Variants in ITGA6 observed in about 807,000 individuals in gnomAD.
ITGA6 encodes the protein integrin alpha-6.
In ITGA6, 63 loss-of-function variants were observed where a neutral mutation model predicts 133.6. The observed-to-expected ratio is 0.47, with a 90% CI of 0.38 to 0.58. ITGA6 has a LOEUF of 0.58. ITGA6 is among the 20% of genes least tolerant of loss of function. The pLI is 0.00. For missense variants in ITGA6, 1,068 were observed against 1,309.4 expected, an observed-to-expected ratio of 0.82 and a Z score of 2.85; for synonymous variants, 434 against 482.0, an observed-to-expected ratio of 0.90 and a Z score of 1.30.
intron 1 of ITGA6, among the ~76,000 whole-genome samples, chr2:172,434,803 T>C (rs1474591399): frequency 6.6e-6 from 1 of 152,044 alleles, no homozygotes; most frequent in Non-Finnish European, 1.5e-5. Flanking sequence ...AGATATAGTA[T>C]AAGAAAAGCC....
intron 1 of ITGA6, among the ~76,000 whole-genome samples, chr2:172,458,593 C>T (rs767281846): frequency 6.6e-6 from 1 of 152,168 alleles, no homozygotes; most frequent in South Asian, 2.1e-4. Flanking sequence ...AAGCGAATCC[C>T]TGGAGTCAGC....
intron 19 of ITGA6, among the ~76,000 whole-genome samples, chr2:172,489,014 A>G (rs1009411946): frequency 2.6e-5 from 4 of 152,136 alleles, no homozygotes; most frequent in African/African-American, 9.7e-5. Context: ...TCTCAGATTC[A>G]TGGCTGTCCT....
At position 172,458,938 on chromosome 2, in the gene ITGA6, T is replaced by C. The variant is rs115258831; in HGVS notation, c.183-6601T>C. On this transcript the variant is annotated intron_variant, in intron 1 of 25. Coordinates refer to ENST00000684293, the MANE Select transcript of ITGA6 (RefSeq NM_000210.4). ...AGACTGCAAATGTGACTACTGAAAT[T>C]AAAAATGTCAGTATAAATACCAGAA... Among the ~76,000 whole-genome samples, 120 of 151,882 alleles carry C rather than the reference T, an allele frequency of 7.9e-4. 1 individual carries two copies. The highest frequency in any genetic ancestry group is 2.7e-3 in the African/African-American group (110 of 41,426).
chr2:172,480,586 T>TG (rs1250388227), intron 11 of ITGA6, among the ~76,000 whole-genome samples: 1 of 146,428 alleles, frequency 6.8e-6, no homozygotes, highest in African/African-American at 2.8e-5. Context: ...GTCAGAGACC[T>TG]GGTCTCTGCT....
chr2:172,505,333 G>C lies in ITGA6; in HGVS notation c.*1265G>C, dbSNP rs1392867479. ...AATACTGTATATTCAGGACTTGAAA[G>C]AAATGGTGAATGCCTATGGTGGATC... On this transcript the variant is annotated 3_prime_UTR_variant, in exon 26 of 26. Transcript: ENST00000684293. 3.9e-5 allele frequency: 6 copies of C among 152,182 alleles called. No individual in the cohort carries two copies. Among genetic ancestry groups the C allele is most frequent in the Non-Finnish European group, 8.8e-5 (6 of 68,024 alleles). The allele number at this position is 152,182 out of a possible 1,614,324, so 9.4% of individuals were successfully genotyped here.
chr2:172,453,065 A>G (rs1461871159), intron 1 of ITGA6, among the ~76,000 whole-genome samples: 1 of 152,204 alleles, frequency 6.6e-6, no homozygotes, highest in Non-Finnish European at 1.5e-5. Flanking sequence ...CAAGGAGCTC[A>G]GGAAATGTTT....
intron 11 of ITGA6, among the ~76,000 whole-genome samples, chr2:172,481,323 T>G (rs1173774489): frequency 6.6e-6 from 1 of 152,090 alleles, no homozygotes; most frequent in Non-Finnish European, 1.5e-5. Context: ...CAGGAAAAAA[T>G]AGCCACATAA....
In ITGA6 at chr2:172,487,272, G is replaced by T; in HGVS notation, c.1979G>T (p.Gly660Val). The T allele has an allele frequency of 1.2e-6, 2 of 1,612,682 alleles. No homozygotes were observed. The highest frequency in any genetic ancestry group is 1.7e-6 in the Non-Finnish European group (2 of 1,178,734). ...DKFSYLPIQKGVPELVLKDQK... is the reference protein window; with the variant it reads ...DKFSYLPIQKVVPELVLKDQK... Reference sequence around the variant, plus strand: ...TTTCTTATTTTTAATAGTCAAAAAGGTGTACCAGAACTAGTTCTAAAAGAT... The same window carrying T: ...TTTCTTATTTTTAATAGTCAAAAAGTTGTACCAGAACTAGTTCTAAAAGAT... Residue 660 changes from glycine (G) to valine (V), a missense_variant, in exon 15 of 26, where the codon GGT becomes GTT. Gly to Val is a moderately radical substitution (Grantham distance 109). Coordinates refer to ENST00000684293, the MANE Select transcript of ITGA6 (RefSeq NM_000210.4).
At chr2:172,490,494 A>G (rs1478942605) in intron 20 of ITGA6, among the ~76,000 whole-genome samples, 1 of 152,268 alleles carries the variant, frequency 6.6e-6, no homozygotes, top group African/African-American at 2.4e-5. Context: ...CAATGTTAAA[A>G]ATCAAGATAA....
intron 23 of ITGA6, among the ~76,000 whole-genome samples, chr2:172,496,599 A>G (rs1420865253): frequency 1.3e-5 from 2 of 152,182 alleles, no homozygotes; most frequent in Non-Finnish European, 2.9e-5. Flanking sequence ...GACATAGAAT[A>G]TTTGACTGAA....
intron 11 of ITGA6, among the ~76,000 whole-genome samples, chr2:172,483,032 A>G (rs768041732): frequency 6.6e-6 from 1 of 152,190 alleles, no homozygotes. Context: ...TGTGGGAGAC[A>G]ATCAGGAAAT....
At position 172,500,393 on chromosome 2, in the gene ITGA6, C is replaced by T. The variant is rs187230778; in HGVS notation, c.3115-1379C>T. On this transcript the variant is annotated intron_variant, in intron 24 of 25. Coordinates refer to ENST00000684293, the MANE Select transcript of ITGA6 (RefSeq NM_000210.4). ...TTTGGGAGGCTGGTGGATTACAGCA[C>T]TTTGTGGCAGGTGGATCACGACGTC... Among the ~76,000 whole-genome samples the T allele has an allele frequency of 6.4e-3, 976 of 152,274 alleles. 13 individuals carry two copies. Among genetic ancestry groups the T allele is most frequent in the African/African-American group, 0.022 (917 of 41,562 alleles).
chr2:172,444,585 C>A (rs1684675056), intron 1 of ITGA6, among the ~76,000 whole-genome samples: 1 of 111,708 alleles, frequency 9.0e-6, no homozygotes, highest in Non-Finnish European at 1.8e-5. Context: ...TTCCAAAATC[C>A]CCGCCCCCCG....
chr2:172,446,912 T>C (rs1355103109), intron 1 of ITGA6, among the ~76,000 whole-genome samples: 15 of 152,210 alleles, frequency 9.9e-5, no homozygotes, highest in Non-Finnish European at 1.5e-4. Flanking sequence ...TTTTTAATTT[T>C]TTTGAGACAG....
chr2:172,503,812 T>C (rs1012815821), intron 25 of ITGA6: 7 of 228,944 alleles, frequency 3.1e-5, no homozygotes, highest in Admixed American at 1.7e-4. Context: ...TCATAAACTC[T>C]TAAATTGTTA....
chr2:172,476,540 A>C (rs752994873), intron 9 of ITGA6, 27 bp downstream of exon 9: 10 of 1,281,492 alleles, frequency 7.8e-6, no homozygotes, highest in Non-Finnish European at 1.1e-5. Context: ...TTTAGTGTTA[A>C]GCATGTTCTA....
intron 1 of ITGA6, among the ~76,000 whole-genome samples, chr2:172,440,994 G>C (rs1241974574): frequency 1.3e-5 from 2 of 152,140 alleles, no homozygotes; most frequent in African/African-American, 4.8e-5. Flanking sequence ...GCTGTCCTCT[G>C]TATTAAGGCC....
At chr2:172,500,388 C>T (rs1228518968) in intron 24 of ITGA6, among the ~76,000 whole-genome samples, 5 of 152,160 alleles carry the variant, frequency 3.3e-5, no homozygotes, top group Non-Finnish European at 7.3e-5. Flanking sequence ...TGGTGGATTA[C>T]AGCACTTTGT....
Position 172,487,395 on chromosome 2 carries a change from T to G in ITGA6, c.2102T>G (p.Ile701Ser). Residue 701 changes from isoleucine to serine, a missense_variant, in exon 15 of 26, where the codon ATT (isoleucine) becomes AGT (serine). By Grantham distance (142) the Ile-to-Ser change is moderately radical. Transcript: ENST00000684293. ...DGDDAHEAKL[I>S]ATFPDTLTYS... ...GATGACGCCCATGAGGCTAAACTGA[T>G]TGCAACGTTTCCAGACACTTTAACC... The G allele has an allele frequency of 6.2e-7, 1 of 1,614,190 alleles. No individual in the cohort carries two copies. Among genetic ancestry groups the G allele is most frequent in the South Asian group, 1.1e-5 (1 of 91,082 alleles).
Sources: gnomAD v4.1 joint callset for allele counts (sites outside exome capture counted in the v4.1 genomes callset) on GRCh38, gnomAD v4.1.1 for gene constraint, MANE v1.5 for transcripts, NCBI Gene and HGNC (gene_info 2026-07-23, HGNC 2026-07-21) for gene names.